CC2D2A: variants seen among roughly 807,000 people sequenced by gnomAD.
The protein encoded by CC2D2A is coiled-coil and C2 domain-containing protein 2A.
In CC2D2A, 155 loss-of-function variants were observed where a neutral mutation model predicts 212.9. The ratio of observed to expected loss-of-function variants is 0.73; its 90% confidence interval spans 0.64 to 0.83. The LOEUF (loss-of-function observed/expected upper bound fraction) is 0.83, where lower values mean the gene tolerates loss of function less well. Among genes scored for constraint, CC2D2A ranks in the 40% least tolerant of loss-of-function variants. The probability of loss-of-function intolerance (pLI) is 0.00; values close to 1 mark genes in which losing one functional copy is unlikely to be tolerated. For synonymous variants in CC2D2A, 667 were observed against 686.5 expected (o/e 0.97, Z 0.44); for missense variants, 1,856 against 1,956.2 (o/e 0.95, Z 0.97).
intron 27 of CC2D2A, among the ~76,000 whole-genome samples, chr4:15,570,041 T>C (rs1304609299): frequency 6.6e-6 from 1 of 151,766 alleles, no homozygotes; most frequent in Non-Finnish European, 1.5e-5. Flanking sequence ...AAACTTGACA[T>C]GTATCAATGG....
At chr4:15,549,975 C>A (rs1161302341) in intron 17 of CC2D2A, among the ~76,000 whole-genome samples, 1 of 152,074 alleles carries the variant, frequency 6.6e-6, no homozygotes, top group Non-Finnish European at 1.5e-5. Context: ...GTAAAATCAG[C>A]ATTTTTCAAA....
Position 15,599,548 on chromosome 4 carries a change from G to GA in CC2D2A, c.4522dup (p.Ile1508AsnfsTer14), listed in dbSNP as rs775292940. ...GAACAGGATTGAAAAAATACTAAAA[G>GA]AAAAAATCATGGACTGGAGGCCACG... On this transcript the variant is annotated frameshift_variant, in exon 36 of 37. Coordinates refer to ENST00000424120, the MANE Select transcript of CC2D2A (RefSeq NM_001378615.1). LOFTEE classifies it high-confidence loss of function. The GA allele has an allele frequency of 6.4e-7, 1 of 1,561,590 alleles. No individual in the cohort carries two copies. The highest frequency in any genetic ancestry group is 1.2e-5 in the South Asian group (1 of 83,194).
Position 15,538,007 on chromosome 4 carries a change from A to G in CC2D2A, c.1873A>G (p.Thr625Ala). 6.2e-7 allele frequency: 1 copy of G among 1,609,580 alleles called. No individual in the cohort carries two copies. Among genetic ancestry groups the G allele is most frequent in the Non-Finnish European group, 8.5e-7 (1 of 1,178,112 alleles). Residue 625 changes from threonine to alanine, a missense_variant, in exon 16 of 37, where the codon ACT becomes GCT. By Grantham distance (58) the Thr-to-Ala change is moderately conservative. This residue lies in a region of CC2D2A where 1,512 missense variants were observed against 1,579.3 expected (regional missense o/e 0.96). Transcript: ENST00000424120. ...TGTGAAGCCCAGCCCTCCAGAGCCC[A>G]CTGATCGGGCAGTGATAGAGCAGGA... ...DLVKPSPPEP[T>A]DRAVIEQEVR...
chr4:15,505,324 A>C (rs1716195876), intron 6 of CC2D2A, among the ~76,000 whole-genome samples: 1 of 152,196 alleles, frequency 6.6e-6, no homozygotes, highest in Non-Finnish European at 1.5e-5. Flanking sequence ...CATAAACATC[A>C]AAGTAGAAGT....
At chr4:15,586,863 T>C (rs2109089150) in intron 31 of CC2D2A, among the ~76,000 whole-genome samples, 1 of 152,352 alleles carries the variant, frequency 6.6e-6, no homozygotes, top group African/African-American at 2.4e-5. Flanking sequence ...TTATACAACT[T>C]CCTTTGAAGT....
chr4:15,555,289 C>CA, intron 20 of CC2D2A, 79 bp downstream of exon 20: 1 of 1,519,448 alleles, frequency 6.6e-7, no homozygotes, highest in Middle Eastern at 1.8e-4. Context: ...TTCTCCTATG[C>CA]AATACTGTTT....
At chr4:15,499,941 G>A (rs936142036) in intron 4 of CC2D2A, among the ~76,000 whole-genome samples, 6 of 151,302 alleles carry the variant, frequency 4.0e-5, no homozygotes, top group African/African-American at 7.3e-5. Context: ...AGGAGGAAAC[G>A]GGTACTAATC....
chr4:15,478,948 G>A (rs1039983196), intron 3 of CC2D2A, 142 bp downstream of exon 3: 4 of 718,694 alleles, frequency 5.6e-6, no homozygotes, highest in Admixed American at 2.5e-5. Context: ...GCTGTGAGGC[G>A]GGGATGCAGA....
intron 28 of CC2D2A, among the ~76,000 whole-genome samples, chr4:15,573,927 T>C (rs1436582161): frequency 1.3e-5 from 2 of 152,190 alleles, no homozygotes; most frequent in African/African-American, 4.8e-5. Context: ...GCAAATTGTA[T>C]ATTCAGTACA....
intron 9 of CC2D2A, among the ~76,000 whole-genome samples, chr4:15,515,651 A>G (rs1050563567): frequency 3.9e-5 from 6 of 152,120 alleles, no homozygotes; most frequent in African/African-American, 1.4e-4. Flanking sequence ...TTACATATTA[A>G]ATTTTTAGGC....
chr4:15,566,777 C>T (rs983174505), intron 24 of CC2D2A, among the ~76,000 whole-genome samples: 5 of 151,958 alleles, frequency 3.3e-5, no homozygotes, highest in Non-Finnish European at 7.4e-5. Context: ...TTCAAGACCA[C>T]CCTGAGCAAC....
intron 17 of CC2D2A, among the ~76,000 whole-genome samples, chr4:15,545,824 T>C (rs1277169440): frequency 6.6e-6 from 1 of 151,974 alleles, no homozygotes; most frequent in Non-Finnish European, 1.5e-5. Context: ...AGAATCAGAG[T>C]TGGGCCAGGC....
At chr4:15,521,905 G>GT (rs1337231897) in intron 11 of CC2D2A, among the ~76,000 whole-genome samples, 2 of 152,186 alleles carry the variant, frequency 1.3e-5, no homozygotes, top group Non-Finnish European at 2.9e-5. Flanking sequence ...CAAATCAAAA[G>GT]TTGGCAATTA....
At chr4:15,526,129 C>CA (rs1383440431) in intron 11 of CC2D2A, among the ~76,000 whole-genome samples, 1 of 152,196 alleles carries the variant, frequency 6.6e-6, no homozygotes, top group Non-Finnish European at 1.5e-5. Context: ...TCCCAGACTT[C>CA]ATGCTTTTAG....
rs567440006 is a variant in CC2D2A at position 15,597,325 on chromosome 4, T to C, written c.4438-82T>C. The stretch of plus-strand genomic sequence containing the variant: ...CTATATCTCGATGTCTGAGATTTCA[T>C]TGATTTTTAAGATTTTTAAAAGGAT... On this transcript the variant is annotated intron_variant, in intron 34 of 36. Transcript: ENST00000424120. 5.8e-4 allele frequency: 593 copies of C among 1,016,972 alleles called. 2 individuals are homozygous for C. Among genetic ancestry groups the C allele is most frequent in the South Asian group, 3.2e-3 (224 of 70,374 alleles). 63.0% of individuals were successfully genotyped at this position (1,016,972 alleles called of 1,614,324 possible). A position where few individuals can be genotyped will look rare whatever the true frequency, so the allele number is the denominator to read the frequency against.
chr4:15,548,551 T>G (rs1373603288), intron 17 of CC2D2A, among the ~76,000 whole-genome samples: 1 of 151,318 alleles, frequency 6.6e-6, no homozygotes, highest in Admixed American at 6.6e-5. Flanking sequence ...CAATAAATTT[T>G]TGTCTCAATT....
chr4:15,476,320 C>G (rs551107180), intron 2 of CC2D2A, among the ~76,000 whole-genome samples: 1 of 152,320 alleles, frequency 6.6e-6, no homozygotes, highest in African/African-American at 2.4e-5. Flanking sequence ...TTGATTGACA[C>G]TCAGCTGCTG....
chr4:15,471,628 CA>C (rs55660009), intron 1 of CC2D2A, among the ~76,000 whole-genome samples: 41,594 of 122,498 alleles, frequency 0.34, 6,394 homozygotes, highest in Non-Finnish European at 0.42. Flanking sequence ...ATGTTGCAGA[CA>C]AAAAAAAAAA....
chr4:15,560,428 T>TG lies in CC2D2A; in HGVS notation c.2923-97dup, dbSNP rs1306744520. On this transcript the variant is annotated intron_variant, in intron 22 of 36. Coordinates refer to ENST00000424120, the MANE Select transcript of CC2D2A (RefSeq NM_001378615.1). ...GAAAGTAACAGTTGGGCTGGAGGAC[T>TG]GGGGGGACACTGAGATGACATTAGG... The TG allele has an allele frequency of 1.3e-5, 8 of 615,556 alleles. No individual in the cohort carries two copies. In the South Asian group the frequency reaches 1.4e-4, roughly 11 times the overall value. The allele number at this position is 615,556 out of a possible 1,614,324, so 38.1% of individuals were successfully genotyped here.
Sources: gnomAD v4.1 joint callset for allele counts (sites outside exome capture counted in the v4.1 genomes callset) on GRCh38, gnomAD v4.1.1 for gene constraint, gnomAD v4.1.1 regional missense constraint, MANE v1.5 for transcripts, NCBI Gene and HGNC (gene_info 2026-07-23, HGNC 2026-07-21) for gene names.